Variants in RARB observed in about 807,000 individuals in gnomAD.
RARB encodes HBV-activated protein.
Under a neutral mutation model 51.9 loss-of-function variants are expected in RARB, and 17 were observed. That is an observed-to-expected ratio of 0.33 (90% CI 0.22 to 0.49). The LOEUF (loss-of-function observed/expected upper bound fraction) is 0.49, where lower values mean the gene tolerates loss of function less well. Ranked by LOEUF, RARB falls within the 20% of genes least tolerant of loss-of-function variation. The pLI is 0.99. For synonymous variants in RARB, 215 were observed against 195.4 expected, an observed-to-expected ratio of 1.10 and a Z score of -0.84; for missense variants, 369 against 550.8, an observed-to-expected ratio of 0.67 and a Z score of 3.30.
rs115536028 is a variant in RARB, at chr3:25,538,503, A to G, written c.449-31255A>G. ...TCAACAGTTTAGAGTAGTGCTATTC[A>G]AAGTATGGTCCATGGACCAGAGATG... On this transcript the variant is annotated intron_variant, in intron 3 of 7. Transcript: ENST00000330688. Among the ~76,000 whole-genome samples the G allele has an allele frequency of 2.8e-3, 434 of 152,288 alleles. 3 individuals carry two copies. The highest frequency in any genetic ancestry group is 0.01 in the African/African-American group (418 of 41,544).
chr3:25,095,662 C>T (rs1171264058), intron 3 of RARB, among the ~76,000 whole-genome samples: 5 of 151,816 alleles, frequency 3.3e-5, no homozygotes, highest in African/African-American at 7.3e-5. Flanking sequence ...GTGTAGGTTG[C>T]GAACAGCAAG....
intron 2 of RARB, among the ~76,000 whole-genome samples, chr3:24,934,725 T>C (rs1323933059): frequency 6.6e-6 from 1 of 152,164 alleles, no homozygotes; most frequent in African/African-American, 2.4e-5. Context: ...CTTGGCCATA[T>C]TCCTATATTA....
intron 2 of RARB, among the ~76,000 whole-genome samples, chr3:25,031,254 C>T (rs1697867959): frequency 6.6e-6 from 1 of 152,148 alleles, no homozygotes; most frequent in Non-Finnish European, 1.5e-5. Flanking sequence ...CCCCATACAC[C>T]CATATTGAGA....
intron 2 of RARB, among the ~76,000 whole-genome samples, chr3:24,997,663 G>A (rs1024993308): frequency 6.6e-6 from 1 of 152,058 alleles, no homozygotes; most frequent in South Asian, 2.1e-4. Context: ...AGTATTACAG[G>A]CGTGAGCCAC....
intron 5 of RARB, among the ~76,000 whole-genome samples, chr3:25,333,509 C>A (rs1559361182): frequency 6.6e-6 from 1 of 152,054 alleles, no homozygotes; most frequent in Non-Finnish European, 1.5e-5. Context: ...TTCCTTACAC[C>A]TTATACAAAA....
intron 2 of RARB, among the ~76,000 whole-genome samples, chr3:24,958,255 G>GTTTTCTTTTTTTTTTTTT (rs1314564374): frequency 1.4e-5 from 1 of 69,444 alleles, no homozygotes; most frequent in African/African-American, 4.3e-5. Flanking sequence ...AGCTGCTCAG[G>GTTTTCTTTTTTTTTTTTT]TTTTTTTTTT....
intron 2 of RARB, among the ~76,000 whole-genome samples, chr3:25,052,657 T>C (rs1698355280): frequency 6.6e-6 from 1 of 152,172 alleles, no homozygotes; most frequent in South Asian, 2.1e-4. Context: ...TTGAAAGTAT[T>C]TTCCTGAAGG....
intron 5 of RARB, among the ~76,000 whole-genome samples, chr3:25,295,922 A>G (rs1392888484): frequency 6.6e-6 from 1 of 152,208 alleles, no homozygotes; most frequent in Non-Finnish European, 1.5e-5. Context: ...ACAAGGATAT[A>G]TGGAGATGGA....
chr3:25,282,558 T>C (rs1234155041), intron 5 of RARB, among the ~76,000 whole-genome samples: 1 of 152,164 alleles, frequency 6.6e-6, no homozygotes, highest in African/African-American at 2.4e-5. Context: ...TAGGTAGGAT[T>C]TTGTGTCTCT....
chr3:25,094,351 A>T (rs963104290), intron 3 of RARB, among the ~76,000 whole-genome samples: 1 of 152,102 alleles, frequency 6.6e-6, no homozygotes, highest in Non-Finnish European at 1.5e-5. Context: ...AGCACCTACT[A>T]TGTCCTGGGC....
intron 3 of RARB, among the ~76,000 whole-genome samples, chr3:25,546,233 T>A (rs919359313): frequency 6.6e-6 from 1 of 152,182 alleles, no homozygotes; most frequent in Non-Finnish European, 1.5e-5. Context: ...ATGGGCTTTG[T>A]AAGGCTGTGT....
At chr3:25,502,060 G>A (rs1241796000) in intron 3 of RARB, among the ~76,000 whole-genome samples, 1 of 152,196 alleles carries the variant, frequency 6.6e-6, no homozygotes, top group Admixed American at 6.5e-5. Context: ...GCTCAAGCAG[G>A]CATAGGGAGG....
At chr3:25,407,881 C>A (rs1216575363) in intron 5 of RARB, among the ~76,000 whole-genome samples, 5 of 152,270 alleles carry the variant, frequency 3.3e-5, no homozygotes, top group South Asian at 2.1e-4. Flanking sequence ...TCCTCAAGCT[C>A]TCTTGCCCTT....
intron 5 of RARB, among the ~76,000 whole-genome samples, chr3:25,281,334 G>A (rs530850518): frequency 6.6e-6 from 1 of 152,268 alleles, no homozygotes; most frequent in African/African-American, 2.4e-5. Context: ...ATGAAGCCTG[G>A]CTTATGATGG....
At chr3:25,437,731 C>T (rs746224797) in intron 1 of RARB, among the ~76,000 whole-genome samples, 6 of 152,168 alleles carry the variant, frequency 3.9e-5, no homozygotes, top group African/African-American at 9.7e-5. Flanking sequence ...GTGCAGGCCT[C>T]ATAGATCATC....
chr3:25,002,725 CAT>C (rs1211500870), intron 2 of RARB, among the ~76,000 whole-genome samples: 12 of 141,766 alleles, frequency 8.5e-5, no homozygotes, highest in Middle Eastern at 3.4e-3. Flanking sequence ...ATATGTGTCA[CAT>C]ATGTATATAA....
chr3:25,204,706 C>T (rs1701489400), intron 5 of RARB, among the ~76,000 whole-genome samples: 1 of 152,162 alleles, frequency 6.6e-6, no homozygotes, highest in Non-Finnish European at 1.5e-5. Flanking sequence ...ACCCTGTTTG[C>T]CTGGGTATCA....
intron 5 of RARB, among the ~76,000 whole-genome samples, chr3:25,358,940 CTT>C (rs879944117): frequency 2.1e-5 from 3 of 141,590 alleles, no homozygotes; most frequent in African/African-American, 2.6e-5. Flanking sequence ...CTGAAATTTT[CTT>C]TTTTTTTTTT....
chr3:24,971,342 T>G (rs1285959822), intron 2 of RARB, among the ~76,000 whole-genome samples: 1 of 151,972 alleles, frequency 6.6e-6, no homozygotes, highest in African/African-American at 2.4e-5. Context: ...TAGATTGATG[T>G]TATTTGAAAG....
Sources: gnomAD v4.1 joint callset for allele counts (sites outside exome capture counted in the v4.1 genomes callset) on GRCh38, gnomAD v4.1.1 for gene constraint, MANE v1.5 for transcripts, NCBI Gene and HGNC (gene_info 2026-07-23, HGNC 2026-07-21) for gene names.